JAZF1: variants seen among roughly 807,000 people sequenced by gnomAD.
JAZF1 encodes the protein juxtaposed with another zinc finger protein 1.
In JAZF1, 8 loss-of-function variants were observed where a neutral mutation model predicts 26.4. The ratio of observed to expected loss-of-function variants is 0.30; its 90% CI spans 0.18 to 0.55. The LOEUF (loss-of-function observed/expected upper bound fraction) is 0.55, where lower values mean the gene tolerates loss of function less well. Among genes scored for constraint, JAZF1 ranks in the 20% least tolerant of loss-of-function variants. The probability of loss-of-function intolerance (pLI) is 0.94; values close to 1 mark genes in which losing one functional copy is unlikely to be tolerated. For missense variants in JAZF1, 199 were observed against 322.0 expected (o/e 0.62, Z 2.92); for synonymous variants, 126 against 122.3 (o/e 1.03, Z -0.20).
chr7:27,873,924 A>G (rs891069072), intron 3 of JAZF1, among the ~76,000 whole-genome samples: 3 of 152,218 alleles, frequency 2.0e-5, no homozygotes, highest in Non-Finnish European at 4.4e-5. Context: ...ATGGACTAAA[A>G]ACATCAGACT....
intron 1 of JAZF1, among the ~76,000 whole-genome samples, chr7:28,161,987 T>C (rs1208191459): frequency 2.6e-5 from 4 of 152,226 alleles, no homozygotes; most frequent in Non-Finnish European, 5.9e-5. Context: ...TTGTGTTTTG[T>C]AGTCCCTAGT....
At chr7:27,890,410 T>C (rs1783951320) in intron 3 of JAZF1, among the ~76,000 whole-genome samples, 1 of 152,216 alleles carries the variant, frequency 6.6e-6, no homozygotes, top group Non-Finnish European at 1.5e-5. Context: ...AAAATGAAAG[T>C]TACAGTGAAT....
At chr7:27,985,611 G>A (rs1455569836) in intron 2 of JAZF1, among the ~76,000 whole-genome samples, 2 of 152,186 alleles carry the variant, frequency 1.3e-5, no homozygotes, top group African/African-American at 4.8e-5. Flanking sequence ...TATGAGGCCA[G>A]CATCATCCTG....
intron 1 of JAZF1, among the ~76,000 whole-genome samples, chr7:28,131,394 C>A (rs1156470479): frequency 6.6e-6 from 1 of 152,112 alleles, no homozygotes; most frequent in East Asian, 1.9e-4. Flanking sequence ...GGGAAAATAA[C>A]AGAAGATTCT....
chr7:28,151,803 AC>A (rs1318253584), intron 1 of JAZF1, among the ~76,000 whole-genome samples: 2 of 150,984 alleles, frequency 1.3e-5, no homozygotes, highest in Admixed American at 6.6e-5. Context: ...AAAAAAAAAC[AC>A]AGAGGATAAA....
chr7:27,843,792 GC>G (rs1782967441), intron 3 of JAZF1: 2 of 152,260 alleles, frequency 1.3e-5, no homozygotes, highest in African/African-American at 2.4e-5. Flanking sequence ...TGTAAAATGG[GC>G]GAACGCCTGT....
At chr7:28,012,485 G>A (rs915049151) in intron 1 of JAZF1, among the ~76,000 whole-genome samples, 7 of 152,142 alleles carry the variant, frequency 4.6e-5, no homozygotes, top group South Asian at 2.1e-4. Context: ...GAAAAGAAAC[G>A]ACTGAAATTC....
chr7:28,042,763 G>A (rs555442769), intron 1 of JAZF1, among the ~76,000 whole-genome samples: 1 of 152,166 alleles, frequency 6.6e-6, no homozygotes, highest in East Asian at 1.9e-4. Flanking sequence ...ATCACCTACA[G>A]TATTCAGTAC....
chr7:27,877,252 G>A (rs1331947318), intron 3 of JAZF1, among the ~76,000 whole-genome samples: 3 of 152,288 alleles, frequency 2.0e-5, no homozygotes, highest in East Asian at 1.9e-4. Flanking sequence ...CCATGGCTCC[G>A]AATGAGAGGT....
chr7:27,892,873 CTG>C (rs2128341610), intron 3 of JAZF1, among the ~76,000 whole-genome samples: 1 of 152,294 alleles, frequency 6.6e-6, no homozygotes, highest in South Asian at 2.1e-4. Context: ...TTATTGAGCA[CTG>C]TGTTATACAT....
At chr7:27,857,888 TC>T (rs1262058305) in intron 3 of JAZF1, among the ~76,000 whole-genome samples, 1 of 152,184 alleles carries the variant, frequency 6.6e-6, no homozygotes, top group Non-Finnish European at 1.5e-5. Flanking sequence ...AATTGGAAGT[TC>T]CGGCCAGGGC....
chr7:28,043,287 G>T (rs1006627436), intron 1 of JAZF1, among the ~76,000 whole-genome samples: 2 of 152,120 alleles, frequency 1.3e-5, no homozygotes, highest in African/African-American at 4.8e-5. Context: ...TGAGCTCTTT[G>T]GTTGCAAGAA....
intron 2 of JAZF1, among the ~76,000 whole-genome samples, chr7:27,954,278 C>T (rs1385514280): frequency 6.6e-6 from 1 of 152,192 alleles, no homozygotes; most frequent in Admixed American, 6.5e-5. Context: ...AACTACTCTG[C>T]CCAGCCTGAC....
chr7:27,993,947 T>C (rs1785958577), intron 1 of JAZF1, among the ~76,000 whole-genome samples: 3 of 152,222 alleles, frequency 2.0e-5, no homozygotes, highest in African/African-American at 7.2e-5. Context: ...AATCATTTGC[T>C]TGTCTTCATT....
intron 2 of JAZF1, among the ~76,000 whole-genome samples, chr7:27,935,521 G>C (rs34269971): frequency 0.21 from 32,319 of 152,118 alleles, 3,870 homozygotes; most frequent in South Asian, 0.28. Flanking sequence ...AAGTAGATTA[G>C]TGGTTTCCAG....
intron 2 of JAZF1, among the ~76,000 whole-genome samples, chr7:27,930,693 A>G (rs950957459): frequency 6.6e-5 from 10 of 152,328 alleles, no homozygotes; most frequent in African/African-American, 1.7e-4. Context: ...TAAAAACTCA[A>G]AATTGTAGGT....
chr7:27,962,459 CAG>C (rs1583482542), intron 2 of JAZF1, among the ~76,000 whole-genome samples: 1 of 152,296 alleles, frequency 6.6e-6, no homozygotes, highest in East Asian at 1.9e-4. Flanking sequence ...CCCCAATCCA[CAG>C]AGAGTCAAGA....
At chr7:28,062,362 T>C (rs536136584) in intron 1 of JAZF1, among the ~76,000 whole-genome samples, 1 of 152,134 alleles carries the variant, frequency 6.6e-6, no homozygotes, top group Non-Finnish European at 1.5e-5. Context: ...GTACTGTGTT[T>C]TGACGTTTTC....
rs761889401 is a variant in JAZF1, at chr7:27,832,035, T to C, written c.*765A>G. ...GTCCGCAGATATCAATAGGCATAAA[T>C]TGAATCCCTTGTACCCAGCAGGCAC... On this transcript the variant is annotated 3_prime_UTR_variant, in exon 5 of 5. Coordinates refer to ENST00000283928, the MANE Select transcript of JAZF1 (RefSeq NM_175061.4). 5.1e-5 allele frequency: 11 copies of C among 215,382 alleles called. No homozygotes were observed. The highest frequency in any genetic ancestry group is 9.4e-5 in the Non-Finnish European group (10 of 106,580). 13.3% of individuals were successfully genotyped at this position (215,382 alleles called of 1,614,324 possible).
Sources: allele counts gnomAD v4.1 joint callset (sites outside exome capture counted in the v4.1 genomes callset), GRCh38; gene constraint gnomAD v4.1.1; transcripts MANE v1.5; gene names NCBI Gene and HGNC (gene_info 2026-07-23, HGNC 2026-07-21).